The following SCFD1 variants were observed in gnomAD, a reference collection of about 807,000 sequenced individuals.
SCFD1 encodes the protein sec1 family domain-containing protein 1.
SCFD1 carries 37 observed loss-of-function variants against 103.2 expected under a neutral mutation model. That is an observed-to-expected ratio of 0.36 (90% CI 0.28 to 0.47). The LOEUF (loss-of-function observed/expected upper bound fraction) is 0.47, where lower values mean the gene tolerates loss of function less well. Among genes scored for constraint, SCFD1 ranks in the 20% least tolerant of loss-of-function variants. SCFD1 has a pLI of 1.00. For synonymous variants in SCFD1, 264 were observed against 245.0 expected (o/e 1.08, Z -0.73); for missense variants, 639 against 761.2 (o/e 0.84, Z 1.89).
chr14:30,733,256 C>T (rs919019984), intron 23 of SCFD1, among the ~76,000 whole-genome samples: 1 of 152,098 alleles, frequency 6.6e-6, no homozygotes, highest in Non-Finnish European at 1.5e-5. Flanking sequence ...GATCCACTTG[C>T]CTCGGCCTCC....
At chr14:30,705,035 A>G (rs1436926115) in intron 17 of SCFD1, among the ~76,000 whole-genome samples, 1 of 152,210 alleles carries the variant, frequency 6.6e-6, no homozygotes, top group African/African-American at 2.4e-5. Context: ...AGGCACATCT[A>G]AATGCCATCT....
chr14:30,651,074 G>T (rs1886353811), intron 9 of SCFD1, among the ~76,000 whole-genome samples: 2 of 151,908 alleles, frequency 1.3e-5, no homozygotes, highest in East Asian at 3.9e-4. Flanking sequence ...AGCATTTCTA[G>T]CATAAGTAAG....
chr14:30,702,894 T>C (rs1891174161), intron 17 of SCFD1, among the ~76,000 whole-genome samples: 1 of 152,150 alleles, frequency 6.6e-6, no homozygotes, highest in African/African-American at 2.4e-5. Context: ...GCTAAGACTT[T>C]AGACACAATT....
intron 14 of SCFD1, chr14:30,683,460 C>T: frequency 2.2e-6 from 1 of 463,132 alleles, no homozygotes; most frequent in Non-Finnish European, 4.2e-6. Context: ...GGCAGAAATG[C>T]CCTTGCTGCC....
chr14:30,624,094 G>A (rs1883136907), intron 1 of SCFD1, among the ~76,000 whole-genome samples: 1 of 152,162 alleles, frequency 6.6e-6, no homozygotes, highest in African/African-American at 2.4e-5. Context: ...TTGCCTGCCT[G>A]AAAAATCTTT....
chr14:30,644,920 T>G (rs1301878763), intron 7 of SCFD1, among the ~76,000 whole-genome samples: 1 of 152,172 alleles, frequency 6.6e-6, no homozygotes, highest in African/African-American at 2.4e-5. Flanking sequence ...AGGCCTGTGT[T>G]CAGAATGTTG....
intron 16 of SCFD1, among the ~76,000 whole-genome samples, chr14:30,701,519 C>T (rs190001210): frequency 1.3e-4 from 20 of 151,994 alleles, no homozygotes; most frequent in Admixed American, 1.3e-3. Context: ...TGCTCCACTG[C>T]ACTCCAGCCT....
At chr14:30,702,145 G>A (rs1891123182) in intron 16 of SCFD1, 151 bp from the exon 17 acceptor site, 1 of 471,814 alleles carries the variant, frequency 2.1e-6, no homozygotes, top group African/African-American at 2.0e-5. Context: ...TGCTCACTTG[G>A]GTACTCACTT....
rs535387543 is a variant in SCFD1 at position 30,622,361 on chromosome 14, C to T, written c.23C>T (p.Thr8Ile). The T allele has an allele frequency of 2.1e-4, 324 of 1,544,378 alleles. No homozygotes were observed. In the East Asian group the frequency reaches 5.5e-3, roughly 26 times the overall value. Reference protein sequence around the residue: MAAAAAATAAAAASIRER... With the variant: MAAAAAAIAAAAASIRER... ...AAGATGGCGGCGGCGGCGGCAGCGA[C>T]AGCAGCAGCAGCAGCCAGTATTCGG... Residue 8 changes from threonine (T) to isoleucine (I), a missense_variant, in exon 1 of 25, where the codon ACA (threonine) becomes ATA (isoleucine). Thr to Ile is a moderately conservative substitution (Grantham distance 89). Transcript: ENST00000458591.
chr14:30,704,434 C>T (rs1348802101), intron 17 of SCFD1, among the ~76,000 whole-genome samples: 1 of 152,206 alleles, frequency 6.6e-6, no homozygotes, highest in African/African-American at 2.4e-5. Context: ...GAAGTATTTA[C>T]TGTTTGCCTA....
chr14:30,634,916 C>G (rs1050861387), intron 4 of SCFD1: 2 of 455,980 alleles, frequency 4.4e-6, no homozygotes, highest in Non-Finnish European at 8.8e-6. Context: ...ATTTATTTCT[C>G]ACTAGGTAGA....
Position 30,735,749 on chromosome 14 carries a change from A to G in SCFD1, c.*140A>G. 1.7e-6 allele frequency: 1 copy of G among 588,628 alleles called. No individual in the cohort carries two copies. The highest frequency in any genetic ancestry group is 3.0e-6 in the Non-Finnish European group (1 of 335,810). The allele number at this position is 588,628 out of a possible 1,614,324, so 36.5% of individuals were successfully genotyped here. A position where few individuals can be genotyped will look rare whatever the true frequency, so the allele number is the denominator to read the frequency against. On this transcript the variant is annotated 3_prime_UTR_variant, in exon 25 of 25. Transcript: ENST00000458591. ...CAGAGTTATTTGTTAATTTTTAAGG[A>G]AATTATATACTTAATATGTATTGAT...
intron 1 of SCFD1, among the ~76,000 whole-genome samples, chr14:30,626,343 G>A (rs1375212857): frequency 1.3e-5 from 2 of 151,972 alleles, no homozygotes; most frequent in African/African-American, 2.4e-5. Context: ...TAACTTAAGC[G>A]TGCCCTGAGA....
At chr14:30,728,609 T>C (rs1385771720) in intron 23 of SCFD1, among the ~76,000 whole-genome samples, 1 of 152,184 alleles carries the variant, frequency 6.6e-6, no homozygotes, top group Non-Finnish European at 1.5e-5. Context: ...AATTGTTGCG[T>C]CACTTAGTAA....
chr14:30,704,897 A>G (rs1228135650), intron 17 of SCFD1, among the ~76,000 whole-genome samples: 1 of 152,208 alleles, frequency 6.6e-6, no homozygotes, highest in Non-Finnish European at 1.5e-5. Context: ...CATATGTCCT[A>G]AGATTAGAAG....
At chr14:30,694,420 C>T (rs1326438118) in intron 14 of SCFD1, among the ~76,000 whole-genome samples, 1 of 152,010 alleles carries the variant, frequency 6.6e-6, no homozygotes, top group African/African-American at 2.4e-5. Flanking sequence ...CACCTGTAAT[C>T]CCGCACTTTG....
intron 15 of SCFD1, among the ~76,000 whole-genome samples, chr14:30,695,743 G>A (rs1257136355): frequency 6.6e-6 from 1 of 152,044 alleles, no homozygotes; most frequent in Non-Finnish European, 1.5e-5. Flanking sequence ...AGGGTGGCAT[G>A]CATCTGTAGT....
chr14:30,664,751 C>T (rs1359623608), intron 10 of SCFD1, among the ~76,000 whole-genome samples: 1 of 152,064 alleles, frequency 6.6e-6, no homozygotes, highest in Non-Finnish European at 1.5e-5. Context: ...GATGCATGCA[C>T]AAGCTTCAGT....
intron 9 of SCFD1, among the ~76,000 whole-genome samples, chr14:30,652,182 C>T (rs369108465): frequency 6.6e-6 from 1 of 152,070 alleles, no homozygotes; most frequent in Admixed American, 6.6e-5. Flanking sequence ...AATTCTATTG[C>T]GAAAGGAAAT....
Sources: allele counts gnomAD v4.1 joint callset (sites outside exome capture counted in the v4.1 genomes callset), GRCh38; gene constraint gnomAD v4.1.1; transcripts MANE v1.5; gene names NCBI Gene and HGNC (gene_info 2026-07-23, HGNC 2026-07-21).